Variants in CUL9 observed in about 807,000 individuals in gnomAD.
CUL9 encodes cullin 9.
A neutral mutation model predicts 272.6 loss-of-function variants in CUL9; 79 were observed. The observed-to-expected ratio is 0.29, with a 90% confidence interval of 0.24 to 0.35. The LOEUF (loss-of-function observed/expected upper bound fraction) is 0.35. Ranked by LOEUF, CUL9 falls within the 10% of genes least tolerant of loss-of-function variation. The pLI is 1.00. For synonymous variants in CUL9, 1,186 were observed against 1,286.5 expected, an observed-to-expected ratio of 0.92 and a Z score of 1.67; for missense variants, 2,532 against 3,255.6, an observed-to-expected ratio of 0.78 and a Z score of 5.41.
rs931430978 is a variant in CUL9, at chr6:43,203,029, G to A, written c.3754-80G>A. On this transcript the variant is annotated intron_variant, in intron 17 of 40. Coordinates refer to ENST00000252050, the MANE Select transcript of CUL9 (RefSeq NM_015089.4). The surrounding 1 kb of genome is among the most constrained non-coding windows in gnomAD (Gnocchi z 5.0). ...GAAGTGAAGGGCACACACCATGACC[G>A]ACTTGGTTACTGTCAACAATTTTTC... 1.8e-5 allele frequency: 27 copies of A among 1,496,624 alleles called. No homozygotes were observed. Among genetic ancestry groups the A allele is most frequent in the South Asian group, 1.3e-4 (11 of 87,988 alleles). The allele number at this position is 1,496,624 out of a possible 1,614,324, so 92.7% of individuals were successfully genotyped here.
At chr6:43,222,190 T>C (rs535381086) in intron 35 of CUL9, 126 bp from the exon 36 acceptor site, 3 of 766,050 alleles carry the variant, frequency 3.9e-6, no homozygotes, top group Admixed American at 3.9e-5. Flanking sequence ...CACACAGTCA[T>C]GAGGACTGAA....
At chr6:43,201,406 TAAG>T (rs1157972786) in intron 16 of CUL9, among the ~76,000 whole-genome samples, 1 of 152,192 alleles carries the variant, frequency 6.6e-6, no homozygotes, top group African/African-American at 2.4e-5. Flanking sequence ...AAAATGGAAG[TAAG>T]AAAGTATATT....
At chr6:43,211,243 CTT>C in intron 26 of CUL9, among the ~76,000 whole-genome samples, 1 of 152,102 alleles carries the variant, frequency 6.6e-6, no homozygotes, top group Non-Finnish European at 1.5e-5. Flanking sequence ...GGTCCTTCTT[CTT>C]TTTAAAATAC....
rs1230786436 is a variant in CUL9 at position 43,220,320 on chromosome 6, C to G, written c.6283-139C>G. The G allele has an allele frequency of 2.1e-6, 2 of 968,498 alleles. No individual in the cohort carries two copies. The highest frequency in any genetic ancestry group is 2.3e-5 in the Admixed American group (1 of 44,420). 60.0% of individuals were successfully genotyped at this position (968,498 alleles called of 1,614,324 possible). On this transcript the variant is annotated intron_variant, in intron 31 of 40. Coordinates refer to ENST00000252050, the MANE Select transcript of CUL9 (RefSeq NM_015089.4). The surrounding 1 kb of genome is among the most constrained non-coding windows in gnomAD (Gnocchi z 4.9). ...GAGAGAGGAGTCAGCATTGGTTGATCTAGAGGCAGGCTTGTTTCTGGCCTT... is the reference window on the plus strand; with the variant it reads ...GAGAGAGGAGTCAGCATTGGTTGATGTAGAGGCAGGCTTGTTTCTGGCCTT...
intron 31 of CUL9, among the ~76,000 whole-genome samples, chr6:43,219,788 C>T (rs73736735): frequency 0.095 from 14,502 of 151,952 alleles, 707 homozygotes; most frequent in Non-Finnish European, 0.11. Flanking sequence ...AGGGAGAGAC[C>T]GGGAGAGGAG....
At chr6:43,214,505 A>G (rs1028683551) in intron 29 of CUL9, among the ~76,000 whole-genome samples, 1 of 152,100 alleles carries the variant, frequency 6.6e-6, no homozygotes, top group African/African-American at 2.4e-5. Context: ...GTGAAGTATG[A>G]GAAACTTAGT....
chr6:43,193,251 A>G, intron 9 of CUL9, 43 bp downstream of exon 9: 1 of 1,580,768 alleles, frequency 6.3e-7, no homozygotes, highest in Non-Finnish European at 8.7e-7. Flanking sequence ...TGGGCAAGAC[A>G]GGCAGACTGG....
In CUL9 at chr6:43,187,736, T is replaced by A. The variant is rs755880180; in HGVS notation, c.1605T>A (p.Gly535=). ...LDETLGEKAL[G]EISVSVEMAE... is the part of the protein sequence containing the mutation. ...AGACCCTGGGTGAAAAGGCCCTAGG[T>A]GAGATCTCTGTGTCCGTGGAAATGG... The change falls in exon 7 of 41, where the codon GGT becomes GGA. Residue 535 remains glycine, a synonymous_variant. Coordinates refer to ENST00000252050, the MANE Select transcript of CUL9 (RefSeq NM_015089.4). 1.2e-6 allele frequency: 2 copies of A among 1,612,422 alleles called. No individual in the cohort carries two copies. The highest frequency in any genetic ancestry group is 2.7e-5 in the African/African-American group (2 of 74,656).
intron 9 of CUL9, among the ~76,000 whole-genome samples, chr6:43,195,433 G>T (rs979954567): frequency 6.6e-6 from 1 of 152,232 alleles, no homozygotes; most frequent in African/African-American, 2.4e-5. Context: ...AGAAGGGCTG[G>T]ATGCTGGCTA....
intron 31 of CUL9, 26 bp downstream of exon 31, chr6:43,216,529 G>A: frequency 6.4e-7 from 1 of 1,552,528 alleles, no homozygotes; most frequent in Non-Finnish European, 8.8e-7. Flanking sequence ...CATTGCTCCT[G>A]CCCCTGGCTT....
chr6:43,222,268 C>T (rs753055143), intron 35 of CUL9, 48 bp from the exon 36 acceptor site: 29 of 1,510,278 alleles, frequency 1.9e-5, no homozygotes, highest in Non-Finnish European at 2.6e-5. Flanking sequence ...TTAACTCCCT[C>T]CTGTCCAAAC....
intron 26 of CUL9, among the ~76,000 whole-genome samples, chr6:43,209,472 A>C (rs1775307568): frequency 6.6e-6 from 1 of 151,360 alleles, no homozygotes. Context: ...CAACTGACCC[A>C]TAATGTTTTC....
chr6:43,198,791 C>T lies in CUL9; in HGVS notation c.2986C>T (p.Leu996Phe). 6.2e-7 allele frequency: 1 copy of T among 1,614,006 alleles called. No homozygotes were observed. Among genetic ancestry groups the T allele is most frequent in the Non-Finnish European group, 8.5e-7 (1 of 1,180,044 alleles). ...KRLQQETQPF[L>F]LLLRTLDAPG... ...CCTCCAGCAGGAGACCCAGCCTTTCCTCCTGTTGCTGCGGACTCTGGATGC... is the reference window on the plus strand; with the variant it reads ...CCTCCAGCAGGAGACCCAGCCTTTCTTCCTGTTGCTGCGGACTCTGGATGC... Residue 996 changes from leucine to phenylalanine, a missense_variant, in exon 12 of 41, where the codon CTC becomes TTC. Around this residue, in one of 3 missense-constraint regions of CUL9, gnomAD observed 2,218 missense variants for 2,788.6 expected, o/e 0.80. Transcript: ENST00000252050.
intron 36 of CUL9, 59 bp from the exon 37 acceptor site, chr6:43,222,472 G>T (rs1776452164): frequency 1.2e-6 from 2 of 1,604,048 alleles, no homozygotes; most frequent in Middle Eastern, 1.7e-4. Context: ...CTGAAGGTCT[G>T]ACCGGGCAGG....
chr6:43,195,147 C>T (rs1003083268), intron 9 of CUL9, among the ~76,000 whole-genome samples: 1 of 152,170 alleles, frequency 6.6e-6, no homozygotes, highest in South Asian at 2.1e-4. Context: ...GGTGTAACTA[C>T]AGGGAGAAAG....
At chr6:43,187,523 C>G in intron 6 of CUL9, 84 bp downstream of exon 6, 3 of 1,443,586 alleles carry the variant, frequency 2.1e-6, no homozygotes, top group Non-Finnish European at 2.9e-6. Context: ...TAGGGGTTAC[C>G]GCTTAGGGGG....
At chr6:43,217,086 G>C (rs1776002124) in intron 31 of CUL9, among the ~76,000 whole-genome samples, 1 of 152,234 alleles carries the variant, frequency 6.6e-6, no homozygotes, top group South Asian at 2.1e-4. Context: ...TGGTGAGGTA[G>C]TGTGCATGCC....
Position 43,215,099 on chromosome 6 carries a change from G to T in CUL9, c.5709G>T (p.Lys1903Asn). ...TCCAGGTGCTGGAGGCCTGGCAGAA[G>T]GGTCCAAATCCTCCTGGAACCCTGG... ...LVCLVLEAWQ[K>N]GPNPPGTLGH... The change falls in exon 30 of 41, where the codon AAG becomes AAT. Residue 1903 changes from lysine to asparagine, a missense_variant. By Grantham distance (94) the Lys-to-Asn change is moderately conservative. Around this residue, in one of 3 missense-constraint regions of CUL9, gnomAD observed 2,218 missense variants for 2,788.6 expected, o/e 0.80. Transcript: ENST00000252050. 6.2e-7 allele frequency: 1 copy of T among 1,607,186 alleles called. No homozygotes were observed. Among genetic ancestry groups the T allele is most frequent in the Non-Finnish European group, 8.5e-7 (1 of 1,175,420 alleles).
rs1384704781 is a variant in CUL9 at position 43,222,567 on chromosome 6, A to G, written c.6958A>G (p.Ile2320Val). 3 of 1,613,704 alleles carry G rather than the reference A, an allele frequency of 1.9e-6. No individual in the cohort carries two copies. Among genetic ancestry groups the G allele is most frequent in the Non-Finnish European group, 2.5e-6 (3 of 1,180,044 alleles). Residue 2320 changes from isoleucine (I) to valine (V), a missense_variant, in exon 37 of 41, where the codon ATC (isoleucine) becomes GTC (valine). Coordinates refer to ENST00000252050, the MANE Select transcript of CUL9 (RefSeq NM_015089.4). ...AVNLRNRVSA[I>V]HEVPPPRSFT... ...GAACTTGCGGAACCGGGTGTCTGCC[A>G]TCCATGAAGTGCCCCCGCCCAGATC...
Sources: allele counts gnomAD v4.1 joint callset (sites outside exome capture counted in the v4.1 genomes callset), GRCh38; gene constraint gnomAD v4.1.1; regional missense constraint gnomAD v4.1.1; non-coding constraint Gnocchi (gnomAD v3.1); transcripts MANE v1.5; gene names NCBI Gene and HGNC (gene_info 2026-07-23, HGNC 2026-07-21).